EZH2: variants seen among roughly 807,000 people sequenced by gnomAD.
The protein encoded by EZH2 is histone-lysine N-methyltransferase EZH2.
A neutral mutation model predicts 98.4 loss-of-function variants in EZH2; 18 were observed. The observed-to-expected ratio is 0.18, with a 90% CI of 0.13 to 0.27. The LOEUF is 0.27. EZH2 is among the 10% of genes least tolerant of loss of function. EZH2 has a pLI of 1.00. For synonymous variants in EZH2, 338 were observed against 312.3 expected, an observed-to-expected ratio of 1.08 and a Z score of -0.87; for missense variants, 470 against 935.1, an observed-to-expected ratio of 0.50 and a Z score of 6.49.
chr7:148,829,933 G>T, intron 4 of EZH2, 85 bp from the exon 5 acceptor site: 1 of 995,466 alleles, frequency 1.0e-6, no homozygotes, highest in Non-Finnish European at 1.4e-6. Context: ...TTTTTCATGT[G>T]TACATGTCTT....
At chr7:148,861,803 T>TATA (rs1554420558) in intron 1 of EZH2, among the ~76,000 whole-genome samples, 15 of 143,462 alleles carry the variant, frequency 1.0e-4, no homozygotes, top group Admixed American at 1.0e-3. Context: ...TTCTTTTATT[T>TATA]AAAAAAAAAA....
At chr7:148,810,127 G>A (rs1802619273) in intron 17 of EZH2, 8 of 445,304 alleles carry the variant, frequency 1.8e-5, no homozygotes, top group Non-Finnish European at 3.3e-5. Context: ...GGACTCCAGA[G>A]AGGCGGTTTC....
intron 3 of EZH2, among the ~76,000 whole-genome samples, chr7:148,837,619 A>G (rs1452110843): frequency 6.6e-6 from 1 of 152,242 alleles, no homozygotes; most frequent in African/African-American, 2.4e-5. Context: ...AAATTTGGAT[A>G]AAGTAAAGAG....
intron 1 of EZH2, among the ~76,000 whole-genome samples, chr7:148,869,416 GCTC>G (rs927438413): frequency 1.4e-5 from 2 of 142,384 alleles, no homozygotes; most frequent in Admixed American, 1.5e-4. Flanking sequence ...TGCAAACACG[GCTC>G]ACTGCAGTCT....
At chr7:148,813,047 C>G (rs1803539959) in intron 15 of EZH2, among the ~76,000 whole-genome samples, 1 of 134,010 alleles carries the variant, frequency 7.5e-6, no homozygotes, top group Admixed American at 7.7e-5. Flanking sequence ...ACTCTACACC[C>G]CACATACACA....
At chr7:148,855,084 G>C (rs534033248) in intron 1 of EZH2, among the ~76,000 whole-genome samples, 28 of 152,320 alleles carry the variant, frequency 1.8e-4, no homozygotes, top group Admixed American at 7.2e-4. Flanking sequence ...CCATGCACTG[G>C]GCACTAGAAT....
intron 1 of EZH2, among the ~76,000 whole-genome samples, chr7:148,864,669 C>T (rs1440334315): frequency 1.7e-5 from 2 of 118,394 alleles, no homozygotes; most frequent in East Asian, 4.7e-4. Flanking sequence ...TGGGCAATCA[C>T]AGTGAGACTG....
intron 1 of EZH2, among the ~76,000 whole-genome samples, chr7:148,871,948 G>A (rs772836702): frequency 3.3e-5 from 5 of 152,134 alleles, no homozygotes; most frequent in Non-Finnish European, 7.4e-5. Flanking sequence ...TCAAAGCTGT[G>A]TTGTTCAATG....
chr7:148,857,524 G>A (rs961736527), intron 1 of EZH2, among the ~76,000 whole-genome samples: 9 of 152,226 alleles, frequency 5.9e-5, no homozygotes, highest in Non-Finnish European at 8.8e-5. Flanking sequence ...GGCTGAGGCA[G>A]GCGGATCACG....
In EZH2 at chr7:148,817,654, T is replaced by C. The variant is rs111350217; in HGVS notation, c.1240+223A>G. Reference sequence around the variant, plus strand: ...AATGGCACAAAGAATGAGAATAAAGTGCATCATCAGCTTTCAAACAACCAA... The same window carrying C: ...AATGGCACAAAGAATGAGAATAAAGCGCATCATCAGCTTTCAAACAACCAA... On this transcript the variant is annotated intron_variant, in intron 10 of 19. Coordinates refer to ENST00000320356, the MANE Select transcript of EZH2 (RefSeq NM_004456.5). The C allele has an allele frequency of 7.4e-6, 5 of 676,740 alleles. No homozygotes were observed. The South Asian group carries it at 7.8e-5, about 11-fold the overall frequency. The allele number at this position is 676,740 out of a possible 1,614,324, so 41.9% of individuals were successfully genotyped here. A position where few individuals can be genotyped will look rare whatever the true frequency, so the allele number is the denominator to read the frequency against.
intron 1 of EZH2, among the ~76,000 whole-genome samples, chr7:148,877,846 G>A (rs1280487475): frequency 6.6e-6 from 1 of 152,058 alleles, no homozygotes; most frequent in Non-Finnish European, 1.5e-5. Context: ...CATTCTTCTC[G>A]GAGCTGACAT....
chr7:148,857,020 A>C (rs1037280238), intron 1 of EZH2, among the ~76,000 whole-genome samples: 1 of 152,242 alleles, frequency 6.6e-6, no homozygotes, highest in African/African-American at 2.4e-5. Flanking sequence ...CATTAACATG[A>C]GCAATGGTAA....
At chr7:148,882,952 G>C (rs1821220212) in intron 1 of EZH2, among the ~76,000 whole-genome samples, 1 of 152,180 alleles carries the variant, frequency 6.6e-6, no homozygotes, top group Admixed American at 6.5e-5. Flanking sequence ...CACAGAAAAC[G>C]AGACCAATTA....
chr7:148,846,350 A>C (rs1814026262), intron 3 of EZH2, 120 bp downstream of exon 3: 1 of 1,042,370 alleles, frequency 9.6e-7, no homozygotes, highest in Non-Finnish European at 1.4e-6. Context: ...TTAAAAAGAA[A>C]TAGCAATAAA....
At position 148,808,194 on chromosome 7, in the gene EZH2, T is replaced by TG. The variant is rs563982149; in HGVS notation, c.2196-489dup. Among the ~76,000 whole-genome samples, 333 of 152,254 alleles carry TG rather than the reference T, an allele frequency of 2.2e-3. 4 individuals are homozygous for TG. In the South Asian group the frequency reaches 0.037, roughly 17 times the overall value. On this transcript the variant is annotated intron_variant, in intron 19 of 19. Coordinates refer to ENST00000320356, the MANE Select transcript of EZH2 (RefSeq NM_004456.5). ...AGAGAGGAGCACAAGAAGCCCACCATGGGGGGTGAGGCCACCGGGTCATCC... is the reference window on the plus strand; with the variant it reads ...AGAGAGGAGCACAAGAAGCCCACCATGGGGGGGTGAGGCCACCGGGTCATCC...
At chr7:148,879,490 A>G (rs987810838) in intron 1 of EZH2, among the ~76,000 whole-genome samples, 1 of 152,040 alleles carries the variant, frequency 6.6e-6, no homozygotes, top group South Asian at 2.1e-4. Context: ...CGGGAGTTCG[A>G]GACCAGCCTG....
chr7:148,848,268 G>T (rs772024505), intron 1 of EZH2, among the ~76,000 whole-genome samples: 2 of 152,162 alleles, frequency 1.3e-5, no homozygotes, highest in Non-Finnish European at 2.9e-5. Flanking sequence ...AAGAATAACT[G>T]CAACCAGGTT....
At chr7:148,835,040 T>G (rs982971712) in intron 3 of EZH2, among the ~76,000 whole-genome samples, 2 of 152,236 alleles carry the variant, frequency 1.3e-5, no homozygotes, top group African/African-American at 2.4e-5. Context: ...ACCCGTGAGC[T>G]TAATTAATTA....
In EZH2 at chr7:148,817,428, T is replaced by C. The variant is rs779127989; in HGVS notation, c.1241-37A>G. On this transcript the variant is annotated intron_variant, in intron 10 of 19. Coordinates refer to ENST00000320356, the MANE Select transcript of EZH2 (RefSeq NM_004456.5). ...AATGTAAGCACTGGTCAAGAAATGA[T>C]TGGAAATAATATTAAGAAGTACAAT... The C allele has an allele frequency of 4.6e-5, 74 of 1,594,940 alleles. 2 individuals carry two copies. In the South Asian group the frequency reaches 7.1e-4, roughly 15 times the overall value.
Sources: allele counts gnomAD v4.1 joint callset (sites outside exome capture counted in the v4.1 genomes callset), GRCh38; gene constraint gnomAD v4.1.1; transcripts MANE v1.5; gene names NCBI Gene and HGNC (gene_info 2026-07-23, HGNC 2026-07-21).